The following SH3KBP1 variants were observed in gnomAD, a reference collection of about 807,000 sequenced individuals.
The protein encoded by SH3KBP1 is SH3 domain containing kinase binding protein 1.
In SH3KBP1, 8 loss-of-function variants were observed where a neutral mutation model predicts 50.1. That is an observed-to-expected ratio of 0.16 (90% CI 0.09 to 0.29). The LOEUF is 0.29. SH3KBP1 is among the 10% of genes least tolerant of loss of function. SH3KBP1 has a pLI of 1.00. For synonymous variants in SH3KBP1, 227 were observed against 218.6 expected, an observed-to-expected ratio of 1.04 and a Z score of -0.34; for missense variants, 377 against 535.2, an observed-to-expected ratio of 0.70 and a Z score of 2.92.
At chrX:19,827,890 AAAACAAAC>A (rs373645610) in intron 2 of SH3KBP1, among the ~76,000 whole-genome samples, 1,154 of 101,242 alleles carry the variant, frequency 0.011, 11 homozygotes, top group African/African-American at 0.035. Flanking sequence ...GTTAAACAAA[AAAACAAAC>A]AAACAAACAA....
chrX:19,544,663 T>C (rs939137543), intron 15 of SH3KBP1, among the ~76,000 whole-genome samples: 2 of 112,056 alleles, frequency 1.8e-5, no homozygotes, highest in African/African-American at 6.5e-5. Context: ...CTTGAATCAA[T>C]GCTTCTCTTG....
At chrX:19,826,409 G>A (rs749058480) in intron 2 of SH3KBP1, among the ~76,000 whole-genome samples, 74 of 110,966 alleles carry the variant, frequency 6.7e-4, no homozygotes, top group Non-Finnish European at 1.3e-3. Context: ...GACAGGGCAC[G>A]GTGGCTCCTG....
intron 6 of SH3KBP1, among the ~76,000 whole-genome samples, chrX:19,658,610 G>C (rs2148468821): frequency 9.0e-6 from 1 of 110,993 alleles, no homozygotes; most frequent in African/African-American, 3.3e-5. Context: ...TGTCACCCGG[G>C]ATGGAGTGCA....
At chrX:19,581,599 A>T (rs761320018) in intron 12 of SH3KBP1, among the ~76,000 whole-genome samples, 1 of 111,300 alleles carries the variant, frequency 9.0e-6, no homozygotes, top group East Asian at 2.8e-4. Context: ...CAGTACCTGG[A>T]AGCTTATTTC....
intron 8 of SH3KBP1, among the ~76,000 whole-genome samples, chrX:19,627,879 A>G (rs1450965873): frequency 8.9e-6 from 1 of 112,579 alleles, no homozygotes; most frequent in Non-Finnish European, 1.9e-5. Flanking sequence ...CGGCGAACAC[A>G]GAATTTAGAG....
intron 1 of SH3KBP1, among the ~76,000 whole-genome samples, chrX:19,867,237 C>G (rs1208375339): frequency 1.8e-5 from 2 of 110,965 alleles, no homozygotes; most frequent in Non-Finnish European, 3.8e-5. Flanking sequence ...CCCACTGGGG[C>G]TTCCTGAACC....
chrX:19,881,224 A>T (rs2069423801), intron 1 of SH3KBP1, among the ~76,000 whole-genome samples: 1 of 112,072 alleles, frequency 8.9e-6, no homozygotes, highest in African/African-American at 3.2e-5. Flanking sequence ...GGCTTCACTA[A>T]GGCATTCAGG....
intron 6 of SH3KBP1, among the ~76,000 whole-genome samples, chrX:19,661,168 G>A (rs1159001218): frequency 2.7e-5 from 3 of 112,353 alleles, no homozygotes; most frequent in East Asian, 2.8e-4. Context: ...GCTTTCCCAC[G>A]GTATTTTTAT....
chrX:19,723,421 T>C (rs1266081982), intron 3 of SH3KBP1, among the ~76,000 whole-genome samples: 3 of 112,299 alleles, frequency 2.7e-5, no homozygotes, highest in Non-Finnish European at 5.6e-5. Context: ...TCCAAGATTC[T>C]CGTCAACTTA....
intron 2 of SH3KBP1, among the ~76,000 whole-genome samples, chrX:19,769,246 G>A (rs1186257049): frequency 4.0e-5 from 4 of 100,624 alleles, no homozygotes; most frequent in Admixed American, 2.1e-4. Context: ...CACCATGCCC[G>A]GCTAATTTTT....
At chrX:19,610,286 C>T (rs769700421) in intron 8 of SH3KBP1, among the ~76,000 whole-genome samples, 4 of 111,777 alleles carry the variant, frequency 3.6e-5, no homozygotes, top group Non-Finnish European at 7.5e-5. Flanking sequence ...CATCAGTCTT[C>T]AAAGAAGGGA....
chrX:19,581,782 C>T (rs768674693), intron 12 of SH3KBP1, among the ~76,000 whole-genome samples: 1 of 105,837 alleles, frequency 9.4e-6, no homozygotes, highest in Non-Finnish European at 1.9e-5. Context: ...AGCTAAAATG[C>T]TTCAGAACTC....
In SH3KBP1 at chrX:19,887,316, T is replaced by TCGAGC. The variant is rs1465667690; in HGVS notation, c.-11_-7dup. 9.2e-6 allele frequency: 9 copies of TCGAGC among 976,735 alleles called. No individual in the cohort carries two copies. Among genetic ancestry groups the TCGAGC allele is most frequent in the African/African-American group, 2.1e-5 (1 of 48,544 alleles). The allele number at this position is 976,735 out of a possible 1,213,427, so 80.5% of individuals were successfully genotyped here. On this transcript the variant is annotated 5_prime_UTR_variant, in exon 1 of 18. Coordinates refer to ENST00000397821, the MANE Select transcript of SH3KBP1 (RefSeq NM_031892.3). ...GGCGGCCCCCACTCACCCATTGGCG[T>TCGAGC]CGAGCCGGGCCGGGCCGCCGAGGCA...
At chrX:19,680,869 T>C (rs2063033845) in intron 6 of SH3KBP1, among the ~76,000 whole-genome samples, 1 of 111,592 alleles carries the variant, frequency 9.0e-6, no homozygotes, top group African/African-American at 3.3e-5. Context: ...GTTTATGTTT[T>C]CCCCAGAGGC....
chrX:19,743,735 G>A (rs1209620140), intron 3 of SH3KBP1, among the ~76,000 whole-genome samples: 2 of 112,490 alleles, frequency 1.8e-5, no homozygotes, highest in Non-Finnish European at 3.8e-5. Flanking sequence ...CGCAAAAACA[G>A]CTGGACACAA....
intron 1 of SH3KBP1, among the ~76,000 whole-genome samples, chrX:19,849,438 C>T (rs2068445268): frequency 9.0e-6 from 1 of 110,642 alleles, no homozygotes; most frequent in Admixed American, 9.6e-5. Flanking sequence ...CCTGTAATCC[C>T]AGCACTTCGG....
chrX:19,745,667 G>A (rs1264279326), intron 3 of SH3KBP1, among the ~76,000 whole-genome samples: 1 of 111,918 alleles, frequency 8.9e-6, no homozygotes, highest in Non-Finnish European at 1.9e-5. Context: ...TGTGCTCACA[G>A]TATAAAATTG....
intron 2 of SH3KBP1, among the ~76,000 whole-genome samples, chrX:19,757,674 G>A (rs1053288215): frequency 9.2e-6 from 1 of 108,706 alleles, no homozygotes; most frequent in South Asian, 3.9e-4. Context: ...CCACCCTTTC[G>A]CCTTTAAATT....
intron 1 of SH3KBP1, among the ~76,000 whole-genome samples, chrX:19,861,095 G>A (rs182488755): frequency 6.2e-4 from 69 of 111,791 alleles, no homozygotes; most frequent in African/African-American, 2.2e-3. Context: ...AAAAACAGCA[G>A]GCCAGGCGCG....
Sources: allele counts gnomAD v4.1 joint callset (sites outside exome capture counted in the v4.1 genomes callset), GRCh38; gene constraint gnomAD v4.1.1; transcripts MANE v1.5; gene names NCBI Gene and HGNC (gene_info 2026-07-23, HGNC 2026-07-21).